CA10: variants seen among roughly 807,000 people sequenced by gnomAD.
CA10 encodes carbonic anhydrase 10 (inactive), also known as carbonic anhydrase-related protein 10.
In CA10, 14 loss-of-function variants were observed where a neutral mutation model predicts 44.2. The observed-to-expected ratio is 0.32, with a 90% CI of 0.21 to 0.50. The LOEUF (loss-of-function observed/expected upper bound fraction) is 0.50. Among genes scored for constraint, CA10 ranks in the 20% least tolerant of loss-of-function variants. The probability of loss-of-function intolerance (pLI) is 0.99; values close to 1 mark genes in which losing one functional copy is unlikely to be tolerated. For missense variants in CA10, 350 were observed against 409.7 expected (o/e 0.85, Z 1.26); for synonymous variants, 159 against 141.6 (o/e 1.12, Z -0.87).
At chr17:51,720,672 T>C (rs1916324273) in intron 4 of CA10, among the ~76,000 whole-genome samples, 1 of 152,170 alleles carries the variant, frequency 6.6e-6, no homozygotes, top group African/African-American at 2.4e-5. Context: ...CACAGAATGA[T>C]GAATACCAAC....
intron 3 of CA10, among the ~76,000 whole-genome samples, chr17:51,791,594 A>G (rs906158715): frequency 2.6e-5 from 4 of 152,212 alleles, no homozygotes; most frequent in African/African-American, 9.7e-5. Context: ...GAAACTGTCA[A>G]TGACGAAGAC....
intron 3 of CA10, among the ~76,000 whole-genome samples, chr17:51,753,595 TTC>T (rs1904968399): frequency 6.6e-6 from 1 of 152,146 alleles, no homozygotes; most frequent in African/African-American, 2.4e-5. Flanking sequence ...AACCTGAATT[TTC>T]TCTGTTAATC....
At chr17:51,972,511 T>C (rs2144072058) in intron 2 of CA10, among the ~76,000 whole-genome samples, 1 of 152,150 alleles carries the variant, frequency 6.6e-6, no homozygotes, top group African/African-American at 2.4e-5. Flanking sequence ...GGTAAAACCA[T>C]TGATATAGAG....
At chr17:51,880,955 G>T (rs529639869) in intron 3 of CA10, among the ~76,000 whole-genome samples, 2 of 216 alleles carry the variant, frequency 9.3e-3, no homozygotes, top group African/African-American at 0.025. Flanking sequence ...AAGTTTTATC[G>T]GCCGGGCGCG....
At chr17:52,136,776 G>A (rs927296372) in intron 1 of CA10, among the ~76,000 whole-genome samples, 2 of 152,132 alleles carry the variant, frequency 1.3e-5, no homozygotes, top group African/African-American at 4.8e-5. Flanking sequence ...CACTGTTATG[G>A]ATGGAAGGAA....
chr17:51,925,241 T>A (rs1042084736), intron 3 of CA10, among the ~76,000 whole-genome samples: 2 of 152,146 alleles, frequency 1.3e-5, no homozygotes, highest in Admixed American at 1.3e-4. Context: ...GGTCAATTAT[T>A]TCTACAACCT....
rs1471410256 is a variant in CA10 at position 51,747,810 on chromosome 17, C to A, written c.288G>T (p.Gly96=). The change falls in exon 4 of 9, where the codon GGG becomes GGT. Residue 96 remains glycine, a synonymous_variant. Coordinates refer to ENST00000451037, the MANE Select transcript of CA10 (RefSeq NM_020178.5). The part of the protein sequence containing the change: ...RINTGGRKVS[G]TMYNTGRHVS... ...CGTGTCTTCCAGTGTTGTACATGGT[C>A]CCACTGACCTGCAAGGCAATTAGCA... The A allele has an allele frequency of 6.2e-7, 1 of 1,608,930 alleles. No homozygotes were observed. The highest frequency in any genetic ancestry group is 1.1e-5 in the South Asian group (1 of 89,982).
intron 3 of CA10, among the ~76,000 whole-genome samples, chr17:51,874,955 T>TGTTTC (rs1555607994): frequency 1.2e-5 from 1 of 82,838 alleles, no homozygotes. Context: ...CTTCTGTTTT[T>TGTTTC]TTTTCTTTTT....
At chr17:51,931,475 C>A (rs1224430438) in intron 2 of CA10, among the ~76,000 whole-genome samples, 4 of 152,146 alleles carry the variant, frequency 2.6e-5, no homozygotes, top group African/African-American at 7.2e-5. Flanking sequence ...AAATATTTAG[C>A]AATTCCCTGG....
At chr17:51,847,556 T>TA (rs1390407823) in intron 3 of CA10, among the ~76,000 whole-genome samples, 11 of 152,140 alleles carry the variant, frequency 7.2e-5, no homozygotes, top group African/African-American at 2.7e-4. Flanking sequence ...CTTTGCATGA[T>TA]AAAATCTCTT....
chr17:51,834,576 G>C (rs911086348), intron 3 of CA10, among the ~76,000 whole-genome samples: 2 of 152,174 alleles, frequency 1.3e-5, no homozygotes, highest in Admixed American at 1.3e-4. Flanking sequence ...TCCTGGGCTG[G>C]CAAGGAGCTG....
At chr17:52,055,919 C>T (rs1987215318) in intron 2 of CA10, among the ~76,000 whole-genome samples, 1 of 152,074 alleles carries the variant, frequency 6.6e-6, no homozygotes, top group Non-Finnish European at 1.5e-5. Flanking sequence ...ATTAGCTACA[C>T]CCTGTGAATT....
intron 2 of CA10, among the ~76,000 whole-genome samples, chr17:52,031,459 A>G (rs1986464731): frequency 1.3e-5 from 2 of 151,932 alleles, no homozygotes; most frequent in African/African-American, 2.4e-5. Context: ...TGTGACTCCA[A>G]CTCTCCAACG....
At chr17:51,923,211 G>T (rs979825676) in intron 3 of CA10, among the ~76,000 whole-genome samples, 5 of 152,122 alleles carry the variant, frequency 3.3e-5, no homozygotes, top group African/African-American at 1.2e-4. Flanking sequence ...ATAAAAACCA[G>T]CACCACGGCA....
At chr17:52,132,928 T>C (rs1989273308) in intron 1 of CA10, among the ~76,000 whole-genome samples, 1 of 152,006 alleles carries the variant, frequency 6.6e-6, no homozygotes, top group Non-Finnish European at 1.5e-5. Context: ...CAGAGCCTAA[T>C]ATATGGGGTG....
chr17:51,750,652 T>G (rs1468061890), intron 3 of CA10, among the ~76,000 whole-genome samples: 1 of 152,220 alleles, frequency 6.6e-6, no homozygotes, highest in African/African-American at 2.4e-5. Context: ...CCATCTGCTA[T>G]GGGGAGTAGA....
intron 1 of CA10, among the ~76,000 whole-genome samples, chr17:52,144,209 C>G (rs1448660474): frequency 6.6e-6 from 1 of 152,140 alleles, no homozygotes; most frequent in Non-Finnish European, 1.5e-5. Context: ...AGCCAAATTT[C>G]AGTAAAAATG....
intron 3 of CA10, among the ~76,000 whole-genome samples, chr17:51,913,251 G>A (rs1567882699): frequency 6.6e-6 from 1 of 152,154 alleles, no homozygotes; most frequent in African/African-American, 2.4e-5. Context: ...AGGAAACTTT[G>A]GAACTGAGAG....
chr17:51,828,804 G>A (rs1202676037), intron 3 of CA10, among the ~76,000 whole-genome samples: 1 of 152,134 alleles, frequency 6.6e-6, no homozygotes, highest in Non-Finnish European at 1.5e-5. Flanking sequence ...AAGATTTACT[G>A]GTAAACATTT....
Sources: allele counts gnomAD v4.1 joint callset (sites outside exome capture counted in the v4.1 genomes callset), GRCh38; gene constraint gnomAD v4.1.1; transcripts MANE v1.5; gene names NCBI Gene and HGNC (gene_info 2026-07-23, HGNC 2026-07-21).